GRIN2A: variants seen among roughly 807,000 people sequenced by gnomAD.
The protein encoded by GRIN2A is glutamate receptor ionotropic, NMDA 2A.
GRIN2A carries 22 observed loss-of-function variants against 113.4 expected under a neutral mutation model. The ratio of observed to expected loss-of-function variants is 0.19; its 90% CI spans 0.14 to 0.28. The LOEUF (loss-of-function observed/expected upper bound fraction) is 0.28. Ranked by LOEUF, GRIN2A falls within the 10% of genes least tolerant of loss-of-function variation. GRIN2A has a pLI of 1.00. For synonymous variants in GRIN2A, 827 were observed against 738.4 expected (o/e 1.12, Z -1.94); for missense variants, 1,502 against 1,887.0 (o/e 0.80, Z 3.78).
At chr16:10,074,882 T>C (rs1167630892) in intron 2 of GRIN2A, among the ~76,000 whole-genome samples, 2 of 152,222 alleles carry the variant, frequency 1.3e-5, no homozygotes, top group African/African-American at 4.8e-5. Context: ...TTTATGTGAA[T>C]TATATCTCAA....
chr16:9,785,283 T>C (rs1902169407), intron 11 of GRIN2A, among the ~76,000 whole-genome samples: 1 of 152,044 alleles, frequency 6.6e-6, no homozygotes, highest in South Asian at 2.1e-4. Context: ...ATTCATATCC[T>C]TTGTAGGGAC....
At chr16:9,970,284 A>C (rs2045645139) in intron 2 of GRIN2A, among the ~76,000 whole-genome samples, 1 of 152,216 alleles carries the variant, frequency 6.6e-6, no homozygotes, top group Admixed American at 6.5e-5. Flanking sequence ...ACAAGTCTTT[A>C]ATGTACAATC....
At chr16:10,112,216 C>T (rs1220507687) in intron 2 of GRIN2A, 6 of 599,072 alleles carry the variant, frequency 1.0e-5, no homozygotes, top group African/African-American at 3.7e-5. Flanking sequence ...CAAGGGAACT[C>T]GGTGTATCAA....
At chr16:9,855,737 G>A (rs1346214020) in intron 4 of GRIN2A, among the ~76,000 whole-genome samples, 2 of 152,078 alleles carry the variant, frequency 1.3e-5, no homozygotes. Flanking sequence ...CATATATTAG[G>A]GCAGTCTTGC....
intron 2 of GRIN2A, among the ~76,000 whole-genome samples, chr16:10,164,626 C>A (rs2142335671): frequency 6.6e-6 from 1 of 152,296 alleles, no homozygotes; most frequent in South Asian, 2.1e-4. Flanking sequence ...GTGAGCAATG[C>A]CTGGTGATGA....
At chr16:10,034,820 T>C (rs771031599) in intron 2 of GRIN2A, among the ~76,000 whole-genome samples, 1 of 152,212 alleles carries the variant, frequency 6.6e-6, no homozygotes, top group Non-Finnish European at 1.5e-5. Context: ...GAAAGCATGG[T>C]TGACTGTCTG....
At chr16:10,130,276 A>G (rs966946085) in intron 2 of GRIN2A, among the ~76,000 whole-genome samples, 1 of 152,178 alleles carries the variant, frequency 6.6e-6, no homozygotes, top group Non-Finnish European at 1.5e-5. Flanking sequence ...GGAAACATTG[A>G]GGGGAAAATC....
chr16:10,052,378 T>A (rs1410555919), intron 2 of GRIN2A, among the ~76,000 whole-genome samples: 4 of 152,218 alleles, frequency 2.6e-5, no homozygotes, highest in Non-Finnish European at 5.9e-5. Context: ...GTGTTTGAAC[T>A]TGGGCAGCTA....
At chr16:10,118,487 C>T (rs181885884) in intron 2 of GRIN2A, among the ~76,000 whole-genome samples, 94 of 152,246 alleles carry the variant, frequency 6.2e-4, no homozygotes, top group Non-Finnish European at 3.5e-4. Flanking sequence ...TGAGTGTATA[C>T]CTCTAAGCCT....
chr16:9,844,169 G>A (rs1404060650), intron 5 of GRIN2A, among the ~76,000 whole-genome samples: 1 of 152,110 alleles, frequency 6.6e-6, no homozygotes, highest in Non-Finnish European at 1.5e-5. Context: ...TAAGATTCAA[G>A]GTCACAGGCA....
At chr16:10,055,817 A>G (rs1208225020) in intron 2 of GRIN2A, among the ~76,000 whole-genome samples, 1 of 152,258 alleles carries the variant, frequency 6.6e-6, no homozygotes, top group Non-Finnish European at 1.5e-5. Context: ...TGTCTGAGGC[A>G]TATTTTTCTG....
At chr16:9,957,718 C>T (rs1365097520) in intron 2 of GRIN2A, among the ~76,000 whole-genome samples, 1 of 152,172 alleles carries the variant, frequency 6.6e-6, no homozygotes, top group Non-Finnish European at 1.5e-5. Context: ...CTCAACTCTT[C>T]CTTAATTGGG....
chr16:9,839,394 T>C (rs188397605), intron 7 of GRIN2A, among the ~76,000 whole-genome samples: 148 of 152,092 alleles, frequency 9.7e-4, no homozygotes, highest in Middle Eastern at 3.4e-3. Context: ...AAAAACACCT[T>C]TTATGTAAAA....
intron 2 of GRIN2A, among the ~76,000 whole-genome samples, chr16:9,940,141 T>G (rs768006924): frequency 1.3e-5 from 2 of 152,096 alleles, no homozygotes; most frequent in Non-Finnish European, 2.9e-5. Flanking sequence ...GCTGTGCATG[T>G]CAATTCCTTC....
At chr16:10,077,448 T>C (rs2047895264) in intron 2 of GRIN2A, among the ~76,000 whole-genome samples, 1 of 152,150 alleles carries the variant, frequency 6.6e-6, no homozygotes, top group African/African-American at 2.4e-5. Flanking sequence ...GTAAACCCAG[T>C]ACATCCCACA....
At chr16:10,057,119 T>C (rs933614422) in intron 2 of GRIN2A, among the ~76,000 whole-genome samples, 10 of 151,498 alleles carry the variant, frequency 6.6e-5, no homozygotes, top group Admixed American at 5.9e-4. Context: ...CCATCCATCA[T>C]TCATCCATTC....
intron 2 of GRIN2A, among the ~76,000 whole-genome samples, chr16:10,065,228 C>G (rs1241630985): frequency 6.6e-6 from 1 of 152,204 alleles, no homozygotes; most frequent in Non-Finnish European, 1.5e-5. Context: ...AAATGATTAA[C>G]TGTCACTAAA....
At chr16:9,789,895 G>T (rs1039601417) in intron 11 of GRIN2A, among the ~76,000 whole-genome samples, 1 of 152,228 alleles carries the variant, frequency 6.6e-6, no homozygotes, top group African/African-American at 2.4e-5. Flanking sequence ...GAAGAGGTTT[G>T]CATGGAAGAA....
chr16:10,170,868 C>T (rs920626361), intron 2 of GRIN2A, among the ~76,000 whole-genome samples: 1 of 135,414 alleles, frequency 7.4e-6, no homozygotes, highest in Admixed American at 8.1e-5. Context: ...CAGAGTGAAA[C>T]ACTGTTTTCT....
Sources: gnomAD v4.1 joint callset for allele counts (sites outside exome capture counted in the v4.1 genomes callset) on GRCh38, gnomAD v4.1.1 for gene constraint, MANE v1.5 for transcripts, NCBI Gene and HGNC (gene_info 2026-07-23, HGNC 2026-07-21) for gene names.